Variants in AIPL1 observed in about 807,000 individuals in gnomAD.
AIPL1 encodes the protein AIP like 1 HSP90 co-chaperone.
Under a neutral mutation model 32.9 loss-of-function variants are expected in AIPL1, and 23 were observed. The ratio of observed to expected loss-of-function variants is 0.70; its 90% CI spans 0.50 to 0.99. The LOEUF (loss-of-function observed/expected upper bound fraction) is 0.99. Ranked by LOEUF, AIPL1 falls within the 50% of genes least tolerant of loss-of-function variation. The pLI, the probability that AIPL1 is intolerant of heterozygous loss-of-function variation, is 0.00. For synonymous variants in AIPL1, 210 were observed against 209.4 expected, an observed-to-expected ratio of 1.00 and a Z score of -0.02; for missense variants, 485 against 506.0, an observed-to-expected ratio of 0.96 and a Z score of 0.40.
At chr17:6,425,989 A>C in intron 5 of AIPL1, 159 bp from the exon 6 acceptor site, 1 of 1,105,190 alleles carries the variant, frequency 9.0e-7, no homozygotes, top group Middle Eastern at 3.0e-4. Flanking sequence ...TGTAAGATGG[A>C]GATGATGATC....
Position 6,428,558 on chromosome 17 carries a change from T to C in AIPL1, c.277-52A>G, listed in dbSNP as rs757722623. 6 of 1,587,242 alleles carry C rather than the reference T, an allele frequency of 3.8e-6. No homozygotes were observed. The African/African-American group carries it at 6.7e-5, about 18-fold the overall frequency. On this transcript the variant is annotated intron_variant, in intron 2 of 5. Transcript: ENST00000381129. ...TCCAGGCTACCTGCCCAGAGCTAGG[T>C]GGGCCATAAAAGGCCTCCACTCAGA...
intron 2 of AIPL1, among the ~76,000 whole-genome samples, chr17:6,432,907 C>A (rs1237781725): frequency 6.6e-6 from 1 of 152,082 alleles, no homozygotes; most frequent in Non-Finnish European, 1.5e-5. Context: ...GGGATATCCT[C>A]ATATTTTAGA....
Position 6,433,999 on chromosome 17 carries a change from T to C in AIPL1, c.196A>G (p.Met66Val). 2 of 1,613,494 alleles carry C rather than the reference T, an allele frequency of 1.2e-6. No homozygotes were observed. The highest frequency in any genetic ancestry group is 1.7e-6 in the Non-Finnish European group (2 of 1,179,950). ...ATCTCCCAGACCTCGAGCTTGAACA[T>C]GTTTCCGATGATGATGTGCATGGGC... is the stretch of plus-strand genomic sequence containing the variant. Reference protein sequence around the residue: ...GQPMHIIIGNMFKLEVWEILL... With the variant: ...GQPMHIIIGNVFKLEVWEILL... Residue 66 changes from methionine to valine, a missense_variant, in exon 2 of 6, where the codon ATG becomes GTG. Met to Val is a conservative substitution (Grantham distance 21). Transcript: ENST00000381129.
intron 2 of AIPL1, among the ~76,000 whole-genome samples, chr17:6,430,044 GGTGTGTGTGTGTGTGTGTGTGT>G (rs34593943): frequency 6.9e-6 from 1 of 144,810 alleles, no homozygotes; most frequent in Non-Finnish European, 1.5e-5. Context: ...CTCTAGAAGG[GGTGTGTGTGTGTGTGTGTGTGT>G]GTGTGTGTGT....
In AIPL1 at chr17:6,435,013, G is replaced by C; in HGVS notation, c.92C>G (p.Ser31Cys). 8 of 1,614,188 alleles carry C rather than the reference G, an allele frequency of 5.0e-6. No homozygotes were observed. Among genetic ancestry groups the C allele is most frequent in the Non-Finnish European group, 6.8e-6 (8 of 1,180,038 alleles). Residue 31 changes from serine to cysteine, a missense_variant, in exon 1 of 6, where the codon TCC becomes TGC. Physicochemically the swap from Ser to Cys is moderately radical, Grantham distance 112. Transcript: ENST00000381129. ...TGELPNFITG[S>C]RVIFHFRTMK... ...CTCCGGAGGGGCCCCACTCACTCGGGATCCGGTGATGAAGTTTGGGAGCTC... is the reference window on the plus strand; with the variant it reads ...CTCCGGAGGGGCCCCACTCACTCGGCATCCGGTGATGAAGTTTGGGAGCTC...
chr17:6,426,570 T>C (rs769848788), intron 5 of AIPL1, 45 bp downstream of exon 5: 1 of 1,599,980 alleles, frequency 6.3e-7, no homozygotes, highest in Non-Finnish European at 8.5e-7. Flanking sequence ...TCCGTGGCCC[T>C]GGGCTGGGCG....
chr17:6,426,836 C>A, intron 4 of AIPL1, 45 bp downstream of exon 4: 1 of 1,613,078 alleles, frequency 6.2e-7, no homozygotes. Context: ...GGGCAGGCCC[C>A]CCAGAGTCAG....
chr17:6,432,025 A>C (rs950826941), intron 2 of AIPL1, among the ~76,000 whole-genome samples: 1 of 152,224 alleles, frequency 6.6e-6, no homozygotes, highest in Non-Finnish European at 1.5e-5. Context: ...GGAAAATCAG[A>C]ATGTGGGACT....
At chr17:6,429,974 A>T (rs1176053148) in intron 2 of AIPL1, among the ~76,000 whole-genome samples, 1 of 152,028 alleles carries the variant, frequency 6.6e-6, no homozygotes, top group Non-Finnish European at 1.5e-5. Flanking sequence ...AGAATGGATG[A>T]AATGATGCCC....
intron 2 of AIPL1, among the ~76,000 whole-genome samples, chr17:6,431,119 G>A (rs1299314286): frequency 6.6e-6 from 1 of 152,134 alleles, no homozygotes; most frequent in Non-Finnish European, 1.5e-5. Flanking sequence ...GGAGTCTTAA[G>A]TTTCCCATCA....
At chr17:6,433,230 G>C (rs1028809660) in intron 2 of AIPL1, among the ~76,000 whole-genome samples, 2 of 152,118 alleles carry the variant, frequency 1.3e-5, no homozygotes, top group African/African-American at 4.8e-5. Flanking sequence ...ATGTGAGGAG[G>C]AGGGCAAAAA....
intron 2 of AIPL1, among the ~76,000 whole-genome samples, chr17:6,432,212 G>A (rs577345857): frequency 3.3e-5 from 5 of 152,048 alleles, no homozygotes; most frequent in Non-Finnish European, 5.9e-5. Context: ...GTGAAACCCT[G>A]TCTGTACTAA....
intron 2 of AIPL1, among the ~76,000 whole-genome samples, chr17:6,432,002 G>A (rs1912647874): frequency 2.0e-5 from 3 of 152,188 alleles, no homozygotes; most frequent in African/African-American, 7.2e-5. Flanking sequence ...ACAATTCCAT[G>A]GCGAAGGAAC....
In AIPL1 at chr17:6,426,934, C is replaced by A. The variant is rs62637010; in HGVS notation, c.589G>T (p.Ala197Ser). Residue 197 changes from alanine (A) to serine (S), a missense_variant, in exon 4 of 6, where the codon GCC (alanine) becomes TCC (serine). By Grantham distance (99) the Ala-to-Ser change is moderately conservative. Coordinates refer to ENST00000381129, the MANE Select transcript of AIPL1 (RefSeq NM_014336.5). ...RLFKLGRYEE[A>S]SSKYQEAIIC... ...ATGGCCTCCTGGTACTTGGAAGAGG[C>A]CTCCTCGTAGCGGCCCAGCTTGAAG... 1 of 1,614,216 alleles carries A rather than the reference C, an allele frequency of 6.2e-7. No individual in the cohort carries two copies. Among genetic ancestry groups the A allele is most frequent in the East Asian group, 2.2e-5 (1 of 44,874 alleles).
At chr17:6,433,611 TCACACA>T (rs541117064) in intron 2 of AIPL1, among the ~76,000 whole-genome samples, 3,196 of 106,046 alleles carry the variant, frequency 0.03, 183 homozygotes, top group African/African-American at 0.11. Context: ...TCTCTCTCTC[TCACACA>T]CACACACACA....
chr17:6,429,818 A>G (rs1567640345), intron 2 of AIPL1, among the ~76,000 whole-genome samples: 1 of 43,866 alleles, frequency 2.3e-5, no homozygotes, highest in Non-Finnish European at 7.5e-5. Flanking sequence ...GTAGGTAGGT[A>G]GGTAGGTAGA....
chr17:6,430,563 G>C (rs956500563), intron 2 of AIPL1, among the ~76,000 whole-genome samples: 2 of 146,862 alleles, frequency 1.4e-5, no homozygotes, highest in African/African-American at 2.5e-5. Flanking sequence ...AGGAAACAAA[G>C]AGCCATGCCC....
rs758868216 is a variant in AIPL1, at chr17:6,433,949, G to C, written c.246C>G (p.His82Gln). The change falls in exon 2 of 6, where the codon CAC (histidine) becomes CAG (glutamine). Residue 82 changes from histidine (H) to glutamine (Q), a missense_variant. Transcript: ENST00000381129. The stretch of plus-strand genomic sequence containing the variant: ...TGTCGCACCAGAACTCGGCCACCTC[G>C]TGCACCCGCATGGAGGTAAGCAGGA... ...WEILLTSMRV[H>Q]EVAEFWCDTI... The C allele has an allele frequency of 6.2e-7, 1 of 1,612,122 alleles. No homozygotes were observed. Among genetic ancestry groups the C allele is most frequent in the Admixed American group, 1.7e-5 (1 of 59,922 alleles).
chr17:6,429,239 C>T (rs1912314262), intron 2 of AIPL1, among the ~76,000 whole-genome samples: 1 of 152,136 alleles, frequency 6.6e-6, no homozygotes, highest in Non-Finnish European at 1.5e-5. Flanking sequence ...TGCTGGGCCT[C>T]AGTTTCCCCA....
Sources: allele counts gnomAD v4.1 joint callset (sites outside exome capture counted in the v4.1 genomes callset), GRCh38; gene constraint gnomAD v4.1.1; transcripts MANE v1.5; gene names NCBI Gene and HGNC (gene_info 2026-07-23, HGNC 2026-07-21).